CLVS1: variants seen among roughly 807,000 people sequenced by gnomAD.
The protein encoded by CLVS1 is clavesin-1.
In CLVS1, 10 loss-of-function variants were observed where a neutral mutation model predicts 33.1. The ratio of observed to expected loss-of-function variants is 0.30; its 90% confidence interval spans 0.19 to 0.51. The LOEUF (loss-of-function observed/expected upper bound fraction) is 0.51, where lower values mean the gene tolerates loss of function less well. Among genes scored for constraint, CLVS1 ranks in the 20% least tolerant of loss-of-function variants. The probability of loss-of-function intolerance (pLI) is 0.97; values close to 1 mark genes in which losing one functional copy is unlikely to be tolerated. For synonymous variants in CLVS1, 163 were observed against 166.1 expected (o/e 0.98, Z 0.14); for missense variants, 343 against 433.4 (o/e 0.79, Z 1.85).
chr8:61,484,476 C>T (rs6998023), intron 5 of CLVS1, among the ~76,000 whole-genome samples: 1,631 of 152,312 alleles, frequency 0.011, 40 homozygotes, highest in African/African-American at 0.037. Flanking sequence ...ATTCCATGCT[C>T]ATGGGTAGGA....
intron 3 of CLVS1, among the ~76,000 whole-genome samples, chr8:61,423,227 A>G (rs528569752): frequency 4.3e-4 from 66 of 152,236 alleles, no homozygotes; most frequent in African/African-American, 1.3e-3. Context: ...AGAACTAGGT[A>G]CTTATTTCTT....
chr8:61,391,181 G>A (rs550076710), intron 3 of CLVS1: 4 of 152,330 alleles, frequency 2.6e-5, no homozygotes, highest in African/African-American at 7.2e-5. Context: ...TGATGCCAGA[G>A]CTAGTTATTC....
intron 3 of CLVS1, among the ~76,000 whole-genome samples, chr8:61,426,315 T>C (rs909927334): frequency 2.0e-5 from 3 of 152,232 alleles, no homozygotes; most frequent in African/African-American, 7.2e-5. Context: ...ATTCCTGCAG[T>C]ACCTTGTTAC....
chr8:61,201,279 C>T (rs1375813257), intron 2 of CLVS1, among the ~76,000 whole-genome samples: 5 of 152,094 alleles, frequency 3.3e-5, no homozygotes, highest in African/African-American at 1.2e-4. Context: ...TCAGGAGGCC[C>T]AGCCAACTTA....
intron 1 of CLVS1, among the ~76,000 whole-genome samples, chr8:61,089,103 G>A (rs1459728572): frequency 6.6e-6 from 1 of 152,086 alleles, no homozygotes; most frequent in Non-Finnish European, 1.5e-5. Context: ...GCCCGGCCTA[G>A]ACTTTTAAAA....
chr8:61,099,939 C>T (rs1249318357), intron 1 of CLVS1, among the ~76,000 whole-genome samples: 1 of 152,056 alleles, frequency 6.6e-6, no homozygotes, highest in Non-Finnish European at 1.5e-5. Context: ...GGAACACAGA[C>T]AATAAGCACA....
intron 1 of CLVS1, among the ~76,000 whole-genome samples, chr8:61,130,100 T>A (rs1806058979): frequency 6.6e-6 from 1 of 151,910 alleles, no homozygotes; most frequent in South Asian, 2.1e-4. Context: ...TAGCCAGGTG[T>A]GATGGCACGT....
chr8:61,261,490 T>G (rs1418481174), intron 2 of CLVS1, among the ~76,000 whole-genome samples: 1 of 151,998 alleles, frequency 6.6e-6, no homozygotes, highest in Non-Finnish European at 1.5e-5. Flanking sequence ...GGAGACTGAG[T>G]GTGAGTGCCA....
At chr8:61,192,962 C>A (rs1251438319) in intron 2 of CLVS1, among the ~76,000 whole-genome samples, 3 of 152,148 alleles carry the variant, frequency 2.0e-5, no homozygotes, top group Non-Finnish European at 4.4e-5. Context: ...GACAGTGTGG[C>A]AATTCCTCAA....
the CLVS1 span, among the ~76,000 whole-genome samples, chr8:61,026,280 G>A: frequency 1.3e-5 from 2 of 152,158 alleles, no homozygotes; most frequent in African/African-American, 4.8e-5. Flanking sequence ...CAAGGAGAGA[G>A]GCCTGGAATG....
At chr8:61,123,271 AAATAAT>A (rs58959777) in intron 1 of CLVS1, among the ~76,000 whole-genome samples, 1 of 146,868 alleles carries the variant, frequency 6.8e-6, no homozygotes, top group Non-Finnish European at 1.5e-5. Context: ...CTCTGTCTCA[AAATAAT>A]AATAATAATA....
intron 1 of CLVS1, among the ~76,000 whole-genome samples, chr8:61,102,671 C>T (rs913442677): frequency 6.6e-6 from 1 of 152,114 alleles, no homozygotes; most frequent in African/African-American, 2.4e-5. Flanking sequence ...GCTCCATGAC[C>T]CTCACAAGTT....
chr8:61,217,116 T>C (rs764643759), intron 2 of CLVS1, among the ~76,000 whole-genome samples: 8 of 152,224 alleles, frequency 5.3e-5, no homozygotes, highest in Non-Finnish European at 1.2e-4. Context: ...TTTCTGAGAC[T>C]TTTTCATGAT....
chr8:61,327,919 A>G (rs1227057369), intron 2 of CLVS1, among the ~76,000 whole-genome samples: 1 of 152,202 alleles, frequency 6.6e-6, no homozygotes, highest in Non-Finnish European at 1.5e-5. Flanking sequence ...CTGAGGAGGG[A>G]AAAAGTAAAA....
chr8:61,378,518 C>G (rs1813738335), intron 3 of CLVS1: 1 of 152,214 alleles, frequency 6.6e-6, no homozygotes, highest in African/African-American at 2.4e-5. Context: ...TTGTCACACG[C>G]CAGGGTCCAA....
At chr8:61,419,350 T>C (rs1416800954) in intron 3 of CLVS1, among the ~76,000 whole-genome samples, 4 of 135,704 alleles carry the variant, frequency 2.9e-5, no homozygotes, top group Admixed American at 1.6e-4. Context: ...TGAGCCGAGA[T>C]CACGCCACTG....
chr8:61,122,299 G>A (rs930195009), intron 1 of CLVS1, among the ~76,000 whole-genome samples: 1 of 152,046 alleles, frequency 6.6e-6, no homozygotes. Flanking sequence ...TGCAGGACCC[G>A]GTAGTAACTA....
chr8:61,373,685 C>G (rs1012148367), intron 2 of CLVS1, among the ~76,000 whole-genome samples: 9 of 152,286 alleles, frequency 5.9e-5, no homozygotes, highest in South Asian at 4.1e-4. Flanking sequence ...ATTCAATGGT[C>G]CTTTCTCCTT....
chr8:61,214,388 C>T (rs1418148585), intron 2 of CLVS1, among the ~76,000 whole-genome samples: 3 of 152,080 alleles, frequency 2.0e-5, no homozygotes, highest in Non-Finnish European at 1.5e-5. Flanking sequence ...CCCCCAGACG[C>T]CCAGCTTTAA....
Sources: gnomAD v4.1 joint callset for allele counts (sites outside exome capture counted in the v4.1 genomes callset) on GRCh38, gnomAD v4.1.1 for gene constraint, MANE v1.5 for transcripts, NCBI Gene and HGNC (gene_info 2026-07-23, HGNC 2026-07-21) for gene names.